The following CHN1 variants were observed in gnomAD, a reference collection of about 807,000 sequenced individuals.
CHN1 encodes chimerin 1.
In CHN1, 37 loss-of-function variants were observed where a neutral mutation model predicts 59.5. The observed-to-expected ratio is 0.62, with a 90% CI of 0.48 to 0.82. The LOEUF (loss-of-function observed/expected upper bound fraction) is 0.82, where lower values mean the gene tolerates loss of function less well. Ranked by LOEUF, CHN1 falls within the 40% of genes least tolerant of loss-of-function variation. The pLI is 0.00. For synonymous variants in CHN1, 206 were observed against 200.4 expected, an observed-to-expected ratio of 1.03 and a Z score of -0.24; for missense variants, 469 against 571.0, an observed-to-expected ratio of 0.82 and a Z score of 1.82.
chr2:174,849,472 T>C (rs894802163), intron 6 of CHN1, among the ~76,000 whole-genome samples: 1 of 152,200 alleles, frequency 6.6e-6, no homozygotes, highest in African/African-American at 2.4e-5. Context: ...TGGTCACTAT[T>C]ATGCCTTCAA....
intron 5 of CHN1, among the ~76,000 whole-genome samples, chr2:174,905,249 A>G (rs973054791): frequency 3.3e-5 from 5 of 152,202 alleles, no homozygotes; most frequent in African/African-American, 1.2e-4. Flanking sequence ...TGTACCTTAA[A>G]GCAGATACAC....
intron 3 of CHN1, among the ~76,000 whole-genome samples, chr2:174,933,269 T>A (rs894612247): frequency 5.9e-5 from 9 of 152,068 alleles, no homozygotes; most frequent in African/African-American, 2.2e-4. Flanking sequence ...ACTGGTAAGA[T>A]CATAATAAAG....
intron 2 of CHN1, among the ~76,000 whole-genome samples, chr2:174,951,006 T>C (rs1384644117): frequency 6.6e-6 from 1 of 152,162 alleles, no homozygotes; most frequent in African/African-American, 2.4e-5. Context: ...CTCAAACTCC[T>C]GACCTCAGGC....
chr2:174,807,441 GCTAT>G (rs1283196473), intron 11 of CHN1, among the ~76,000 whole-genome samples: 33 of 114,346 alleles, frequency 2.9e-4, no homozygotes, highest in South Asian at 9.3e-4. Flanking sequence ...CTTTTCACGG[GCTAT>G]CTGTGTGTGT....
At chr2:174,972,050 C>G (rs2105439006) in intron 1 of CHN1, among the ~76,000 whole-genome samples, 1 of 152,256 alleles carries the variant, frequency 6.6e-6, no homozygotes, top group East Asian at 1.9e-4. Flanking sequence ...AAACAATGAA[C>G]AATAATAACC....
At chr2:174,850,393 T>C (rs567276936) in intron 6 of CHN1, among the ~76,000 whole-genome samples, 2 of 152,320 alleles carry the variant, frequency 1.3e-5, no homozygotes, top group South Asian at 4.1e-4. Context: ...GAAGAAAATA[T>C]GATTTAAAAT....
chr2:174,992,431 A>G (rs1018700797), intron 1 of CHN1, among the ~76,000 whole-genome samples: 1 of 152,246 alleles, frequency 6.6e-6, no homozygotes, highest in African/African-American at 2.4e-5. Flanking sequence ...AACAGAACAA[A>G]CTGAAGCATA....
At chr2:174,827,197 G>A (rs1685715288) in intron 7 of CHN1, among the ~76,000 whole-genome samples, 1 of 152,026 alleles carries the variant, frequency 6.6e-6, no homozygotes. Context: ...GATTACTGTA[G>A]CCTTTGAGTC....
chr2:175,001,965 GC>G (rs1691903340), intron 1 of CHN1, among the ~76,000 whole-genome samples: 1 of 152,184 alleles, frequency 6.6e-6, no homozygotes, highest in Non-Finnish European at 1.5e-5. Context: ...TTCTCACAAA[GC>G]CTATACGGAA....
chr2:174,981,367 G>A (rs191185232), intron 1 of CHN1, among the ~76,000 whole-genome samples: 29 of 152,256 alleles, frequency 1.9e-4, no homozygotes, highest in Admixed American at 8.5e-4. Flanking sequence ...AGAAGCTACT[G>A]TATCATCACA....
At chr2:174,948,764 C>A (rs1392644645) in intron 2 of CHN1, among the ~76,000 whole-genome samples, 1 of 152,154 alleles carries the variant, frequency 6.6e-6, no homozygotes, top group African/African-American at 2.4e-5. Context: ...GAATAGCTTT[C>A]AATGGGTGTG....
rs115651601 is a variant in CHN1 at position 174,933,229 on chromosome 2, A to G, written c.114+11659T>C. Among the ~76,000 whole-genome samples, 316 of 152,344 alleles carry G rather than the reference A, an allele frequency of 2.1e-3. 2 individuals are homozygous for G. Among genetic ancestry groups the G allele is most frequent in the African/African-American group, 7.4e-3 (307 of 41,586 alleles). ...GTTTGGGAGAAAGGACTGGACATAT[A>G]AAGAAATGTAAGTTACATTAAAACC... On this transcript the variant is annotated intron_variant, in intron 3 of 12. Transcript: ENST00000409900.
chr2:174,883,965 CTTTTTTTTTTTT>C (rs141023955), intron 5 of CHN1, among the ~76,000 whole-genome samples: 3 of 121,512 alleles, frequency 2.5e-5, no homozygotes, highest in Non-Finnish European at 5.2e-5. Context: ...AGTCTAACTT[CTTTTTTTTTTTT>C]TTTTTTTTTA....
intron 6 of CHN1, among the ~76,000 whole-genome samples, chr2:174,851,950 C>T (rs1431123927): frequency 6.6e-6 from 1 of 152,072 alleles, no homozygotes; most frequent in Admixed American, 6.6e-5. Context: ...CATTTCTATA[C>T]ACCAATAATG....
intron 1 of CHN1, 21 bp downstream of exon 1, chr2:175,004,873 C>T: frequency 2.9e-6 from 4 of 1,391,482 alleles, no homozygotes; most frequent in Non-Finnish European, 3.8e-6. Context: ...TGCGGCGGCG[C>T]GGGGAGACGG....
intron 3 of CHN1, chr2:174,920,904 G>C (rs1270726766): frequency 4.7e-6 from 2 of 422,682 alleles, no homozygotes; most frequent in Non-Finnish European, 4.8e-6. Flanking sequence ...CCTGCAACTA[G>C]ACGGCCCCAT....
intron 6 of CHN1, among the ~76,000 whole-genome samples, chr2:174,859,092 G>A (rs939528717): frequency 3.3e-5 from 5 of 151,798 alleles, no homozygotes; most frequent in Non-Finnish European, 7.4e-5. Context: ...AATGTTATTT[G>A]AGGCTATCTG....
chr2:174,890,743 C>T (rs987890881), intron 5 of CHN1, among the ~76,000 whole-genome samples: 1 of 152,078 alleles, frequency 6.6e-6, no homozygotes, highest in East Asian at 1.9e-4. Flanking sequence ...CTAATAGGCA[C>T]ATACAGAACA....
At chr2:174,915,514 G>GAAA (rs202071415) in intron 4 of CHN1, among the ~76,000 whole-genome samples, 1 of 140,830 alleles carries the variant, frequency 7.1e-6, no homozygotes, top group Admixed American at 7.0e-5. Context: ...CTAAAGAAAA[G>GAAA]AAAAAAAAAA....
Sources: allele counts gnomAD v4.1 joint callset (sites outside exome capture counted in the v4.1 genomes callset), GRCh38; gene constraint gnomAD v4.1.1; transcripts MANE v1.5; gene names NCBI Gene and HGNC (gene_info 2026-07-23, HGNC 2026-07-21).